The following PLCB1 variants were observed in gnomAD, a reference collection of about 807,000 sequenced individuals.
PLCB1 encodes phospholipase C beta 1, also known as 1-phosphatidylinositol 4,5-bisphosphate phosphodiesterase beta-1.
Under a neutral mutation model 161.8 loss-of-function variants are expected in PLCB1, and 46 were observed. That is an observed-to-expected ratio of 0.28 (90% CI 0.22 to 0.36). PLCB1 has a LOEUF of 0.36. PLCB1 is among the 10% of genes least tolerant of loss of function. The pLI, the probability that PLCB1 is intolerant of heterozygous loss-of-function variation, is 1.00. For missense variants in PLCB1, 1,016 were observed against 1,472.5 expected (o/e 0.69, Z 5.07); for synonymous variants, 517 against 503.7 (o/e 1.03, Z -0.35).
intron 3 of PLCB1, among the ~76,000 whole-genome samples, chr20:8,375,857 C>T (rs563349779): frequency 5.3e-5 from 8 of 151,258 alleles, no homozygotes; most frequent in Non-Finnish European, 1.2e-4. Flanking sequence ...CCATGACTTT[C>T]CACCTTACAG....
intron 2 of PLCB1, among the ~76,000 whole-genome samples, chr20:8,242,383 T>C (rs1278727831): frequency 1.3e-5 from 2 of 151,924 alleles, no homozygotes; most frequent in Non-Finnish European, 2.9e-5. Flanking sequence ...TTTTATATCA[T>C]GGCACAAGCA....
At chr20:8,400,921 A>G (rs2122472167) in intron 3 of PLCB1, among the ~76,000 whole-genome samples, 1 of 152,276 alleles carries the variant, frequency 6.6e-6, no homozygotes, top group East Asian at 1.9e-4. Context: ...GCTAAGTCCA[A>G]ATATATGTGC....
At chr20:8,616,934 C>A (rs1415227959) in intron 3 of PLCB1, among the ~76,000 whole-genome samples, 1 of 152,196 alleles carries the variant, frequency 6.6e-6, no homozygotes, top group Non-Finnish European at 1.5e-5. Context: ...CAGGACTATT[C>A]TTGGGGAATA....
chr20:8,593,111 G>A (rs1433266662), intron 3 of PLCB1, among the ~76,000 whole-genome samples: 2 of 152,034 alleles, frequency 1.3e-5, no homozygotes, highest in African/African-American at 4.8e-5. Flanking sequence ...GTATAGCCCA[G>A]GCCTTTCCCC....
chr20:8,569,143 A>G lies in PLCB1; in HGVS notation c.247-59151A>G, dbSNP rs569688836. On this transcript the variant is annotated intron_variant, in intron 3 of 31. Coordinates refer to ENST00000338037, the MANE Select transcript of PLCB1 (RefSeq NM_015192.4). ...CATCCCATACTTGGGCCTACTGGACACCAGCAAGAGTGCCTTTAGGCAGAA... is the reference window on the plus strand; with the variant it reads ...CATCCCATACTTGGGCCTACTGGACGCCAGCAAGAGTGCCTTTAGGCAGAA... Among the ~76,000 whole-genome samples, 6 of 152,338 alleles carry G rather than the reference A, an allele frequency of 3.9e-5. No individual in the cohort carries two copies. In the East Asian group the frequency reaches 7.7e-4, roughly 20 times the overall value.
intron 3 of PLCB1, among the ~76,000 whole-genome samples, chr20:8,383,114 T>A (rs1041963741): frequency 6.6e-6 from 1 of 151,182 alleles, no homozygotes; most frequent in African/African-American, 2.5e-5. Context: ...CATTGATCTG[T>A]CTAATATTGA....
intron 31 of PLCB1, among the ~76,000 whole-genome samples, chr20:8,869,310 A>T (rs1396011382): frequency 1.3e-5 from 2 of 152,152 alleles, no homozygotes; most frequent in African/African-American, 4.8e-5. Context: ...TGCCCAGCTG[A>T]GTCTTCCAAA....
At chr20:8,510,322 A>G (rs1345501978) in intron 3 of PLCB1, among the ~76,000 whole-genome samples, 1 of 151,946 alleles carries the variant, frequency 6.6e-6, no homozygotes, top group Admixed American at 6.6e-5. Flanking sequence ...TATATTTACA[A>G]CGAAATTAAT....
chr20:8,694,619 T>A (rs1275374593), intron 10 of PLCB1, among the ~76,000 whole-genome samples: 1 of 152,242 alleles, frequency 6.6e-6, no homozygotes, highest in Non-Finnish European at 1.5e-5. Flanking sequence ...TACAGAATGC[T>A]CTAGTGTCTG....
chr20:8,772,628 T>C (rs1042413946), intron 26 of PLCB1, among the ~76,000 whole-genome samples: 1 of 152,148 alleles, frequency 6.6e-6, no homozygotes, highest in African/African-American at 2.4e-5. Context: ...TTACAATGAT[T>C]TCCTGCTATA....
chr20:8,378,470 AT>A (rs1042551985), intron 3 of PLCB1, among the ~76,000 whole-genome samples: 1 of 152,232 alleles, frequency 6.6e-6, no homozygotes, highest in Non-Finnish European at 1.5e-5. Flanking sequence ...AAAATCAGTT[AT>A]TTTTAGACAT....
chr20:8,653,055 G>A (rs1043740524), intron 7 of PLCB1: 2 of 151,976 alleles, frequency 1.3e-5, no homozygotes, highest in African/African-American at 4.8e-5. Context: ...TTGATTTAAG[G>A]CTTATTAACT....
At chr20:8,249,537 G>A (rs1981041272) in intron 2 of PLCB1, 1 of 151,938 alleles carries the variant, frequency 6.6e-6, no homozygotes, top group South Asian at 2.1e-4. Flanking sequence ...ATCATGAATG[G>A]TGGCAAGATT....
chr20:8,869,375 A>G (rs796115243), intron 31 of PLCB1, among the ~76,000 whole-genome samples: 62 of 152,292 alleles, frequency 4.1e-4, no homozygotes, highest in Admixed American at 1.2e-3. Flanking sequence ...CAGGCCCCAT[A>G]AGGAGAAAGT....
At chr20:8,697,882 G>A in intron 11 of PLCB1, 99 bp downstream of exon 11, 1 of 1,054,714 alleles carries the variant, frequency 9.5e-7, no homozygotes, top group Non-Finnish European at 1.3e-6. Context: ...TCACAATTAA[G>A]TCCAAAGGCT....
chr20:8,627,801 C>T (rs750728084), intron 3 of PLCB1, among the ~76,000 whole-genome samples: 11 of 152,202 alleles, frequency 7.2e-5, no homozygotes, highest in Admixed American at 2.0e-4. Context: ...ATTTTGCTCA[C>T]GCTAATTCTG....
intron 3 of PLCB1, among the ~76,000 whole-genome samples, chr20:8,482,008 A>G (rs1418313393): frequency 1.3e-5 from 2 of 151,918 alleles, no homozygotes; most frequent in Non-Finnish European, 2.9e-5. Context: ...TCGCAGCTTG[A>G]AGAATTATTT....
At chr20:8,284,071 A>C (rs1437189563) in intron 2 of PLCB1, among the ~76,000 whole-genome samples, 1 of 151,910 alleles carries the variant, frequency 6.6e-6, no homozygotes, top group Non-Finnish European at 1.5e-5. Flanking sequence ...ATTTGTATCT[A>C]GTAAGCAATC....
chr20:8,539,368 A>G (rs1026111089), intron 3 of PLCB1, among the ~76,000 whole-genome samples: 2 of 152,198 alleles, frequency 1.3e-5, no homozygotes, highest in African/African-American at 4.8e-5. Context: ...AAACTTGTAC[A>G]ATATATTTTC....
Sources: allele counts gnomAD v4.1 joint callset (sites outside exome capture counted in the v4.1 genomes callset), GRCh38; gene constraint gnomAD v4.1.1; transcripts MANE v1.5; gene names NCBI Gene and HGNC (gene_info 2026-07-23, HGNC 2026-07-21).